TPD52: variants seen among roughly 807,000 people sequenced by gnomAD.
TPD52 encodes tumor protein D52.
TPD52 carries 17 observed loss-of-function variants against 31.3 expected under a neutral mutation model. The observed-to-expected ratio is 0.54, with a 90% CI of 0.37 to 0.82. The LOEUF is 0.82. Ranked by LOEUF, TPD52 falls within the 40% of genes least tolerant of loss-of-function variation. The pLI is 0.00. For synonymous variants in TPD52, 83 were observed against 89.6 expected (o/e 0.93, Z 0.42); for missense variants, 212 against 240.1 (o/e 0.88, Z 0.77).
chr8:80,046,638 A>G (rs1233981496), intron 5 of TPD52, among the ~76,000 whole-genome samples: 1 of 152,210 alleles, frequency 6.6e-6, no homozygotes, highest in Non-Finnish European at 1.5e-5. Context: ...GTTACCATCT[A>G]TAAGGCACAT....
intron 1 of TPD52, among the ~76,000 whole-genome samples, chr8:80,117,560 C>T (rs1389545714): frequency 6.6e-6 from 1 of 152,128 alleles, no homozygotes; most frequent in Admixed American, 6.6e-5. Flanking sequence ...GACAATACCT[C>T]TCAATCAATT....
At chr8:80,053,257 A>AT (rs768704275) in intron 3 of TPD52, 25 bp downstream of exon 3, 23 of 1,610,772 alleles carry the variant, frequency 1.4e-5, no homozygotes, top group Non-Finnish European at 1.9e-5. Context: ...ACTCCCAAGG[A>AT]AAGTGTATGA....
At chr8:80,044,288 A>G (rs1810635036) in intron 5 of TPD52, 80 bp from the exon 6 acceptor site, 1 of 1,166,472 alleles carries the variant, frequency 8.6e-7, no homozygotes, top group South Asian at 1.5e-5. Flanking sequence ...GACAAAACTT[A>G]GCTCCCCAGG....
intron 7 of TPD52, among the ~76,000 whole-genome samples, chr8:80,039,841 C>T (rs1429043448): frequency 6.6e-6 from 1 of 152,116 alleles, no homozygotes; most frequent in East Asian, 1.9e-4. Context: ...TCTGACCTTC[C>T]CTTCCACCAA....
intron 5 of TPD52, among the ~76,000 whole-genome samples, chr8:80,048,252 A>G (rs1402747224): frequency 2.0e-5 from 3 of 152,086 alleles, no homozygotes; most frequent in Non-Finnish European, 4.4e-5. Flanking sequence ...CCTCCCCTCA[A>G]TCAAGGCATA....
chr8:80,066,763 A>G (rs926678567), intron 1 of TPD52: 2 of 152,188 alleles, frequency 1.3e-5, no homozygotes, highest in Non-Finnish European at 2.9e-5. Context: ...ATTTCCCAGC[A>G]TCTGTGTGTG....
rs1464091912 is a variant in TPD52, at chr8:80,037,027, A to G, written c.*1089T>C. ...GTTTTCAAAGTAGGAGACAGGTTCT[A>G]CAGTATCATTTTACAGTTTCCAACA... is the stretch of plus-strand genomic sequence containing the variant. On this transcript the variant is annotated 3_prime_UTR_variant, in exon 8 of 8. Coordinates refer to ENST00000518937, the MANE Select transcript of TPD52 (RefSeq NM_001025253.3). 1 of 152,622 alleles carries G rather than the reference A, an allele frequency of 6.6e-6. No individual in the cohort carries two copies. Among genetic ancestry groups the G allele is most frequent in the African/African-American group, 2.4e-5 (1 of 41,454 alleles). 9.5% of individuals were successfully genotyped at this position (152,622 alleles called of 1,614,324 possible). A position where few individuals can be genotyped will look rare whatever the true frequency, so the allele number is the denominator to read the frequency against.
intron 1 of TPD52, among the ~76,000 whole-genome samples, chr8:80,094,116 T>C (rs1447512083): frequency 6.6e-6 from 1 of 152,058 alleles, no homozygotes; most frequent in East Asian, 1.9e-4. Context: ...ATAATTTTAT[T>C]TATTCCAGGA....
chr8:80,067,762 T>C (rs1586209484), intron 1 of TPD52, among the ~76,000 whole-genome samples: 1 of 151,610 alleles, frequency 6.6e-6, no homozygotes. Flanking sequence ...GAAGCAATAA[T>C]AAGACCCTAA....
At chr8:80,091,480 A>G (rs1816264382) in intron 1 of TPD52, among the ~76,000 whole-genome samples, 2 of 152,126 alleles carry the variant, frequency 1.3e-5, no homozygotes, top group South Asian at 4.1e-4. Context: ...AAAAAAAAAA[A>G]AATACACAAA....
In TPD52 at chr8:80,040,534, G is replaced by A. The variant is rs186174284; in HGVS notation, c.504+2086C>T. Among the ~76,000 whole-genome samples the A allele has an allele frequency of 2.5e-3, 382 of 152,202 alleles. 1 individual carries two copies. Among genetic ancestry groups the A allele is most frequent in the Non-Finnish European group, 4.4e-3 (300 of 68,000 alleles). On this transcript the variant is annotated intron_variant, in intron 7 of 7. Coordinates refer to ENST00000518937, the MANE Select transcript of TPD52 (RefSeq NM_001025253.3). ...AATTACACTTTTTAATCTGAATGGT[G>A]CCTAGTCATATTTTAAAGCAGACTT...
intron 1 of TPD52, among the ~76,000 whole-genome samples, chr8:80,151,130 T>C (rs1810541605): frequency 6.6e-6 from 1 of 152,198 alleles, no homozygotes; most frequent in African/African-American, 2.4e-5. Context: ...TCATGAAATC[T>C]GATGGTTTTA....
chr8:80,073,396 C>T lies in TPD52; in HGVS notation c.20-8803G>A, dbSNP rs367985101. ...CATCCCTATTTCCAGGTCCCATTAG[C>T]TTAAATAAGTCAAAAGTGTCTCCTA... On this transcript the variant is annotated intron_variant, in intron 1 of 7. Coordinates refer to ENST00000518937, the MANE Select transcript of TPD52 (RefSeq NM_001025253.3). 4.1e-4 allele frequency among the ~76,000 whole-genome samples: 63 copies of T among 152,308 alleles called. No individual in the cohort carries two copies. In the East Asian group the frequency reaches 7.5e-3, roughly 18 times the overall value.
At chr8:80,170,269 G>T (rs1277358442) in intron 1 of TPD52, among the ~76,000 whole-genome samples, 1 of 152,098 alleles carries the variant, frequency 6.6e-6, no homozygotes, top group Non-Finnish European at 1.5e-5. Context: ...TACAAAATTA[G>T]CCGGGCTGTG....
At chr8:80,072,292 G>A (rs1813895296) in intron 1 of TPD52, among the ~76,000 whole-genome samples, 1 of 148,302 alleles carries the variant, frequency 6.7e-6, no homozygotes, top group Admixed American at 6.8e-5. Context: ...TGGCGACAGA[G>A]AGAGACTCCA....
At chr8:80,126,853 A>G (rs1425390657) in intron 1 of TPD52, among the ~76,000 whole-genome samples, 1 of 152,152 alleles carries the variant, frequency 6.6e-6, no homozygotes, top group Non-Finnish European at 1.5e-5. Context: ...GGCAGGGCAC[A>G]ATGGCTCATA....
At chr8:80,048,349 CA>C (rs1811070438) in intron 5 of TPD52, among the ~76,000 whole-genome samples, 1 of 152,196 alleles carries the variant, frequency 6.6e-6, no homozygotes, top group Admixed American at 6.5e-5. Context: ...TTCAGGTTGG[CA>C]AAACTGCTGC....
intron 2 of TPD52, among the ~76,000 whole-genome samples, chr8:80,063,900 TG>T (rs1264285994): frequency 2.2e-5 from 2 of 92,612 alleles, no homozygotes; most frequent in Non-Finnish European, 2.0e-5. Flanking sequence ...AGAGGAGGAA[TG>T]GGGGGGAATG....
In TPD52 at chr8:80,161,710, A is replaced by G. The variant is rs543807727; in HGVS notation, c.19+9715T>C. On this transcript the variant is annotated intron_variant, in intron 1 of 7. Transcript: ENST00000518937. Reference sequence around the variant, plus strand: ...AATCCAAAACTTTTATCAAGAACACATTTATATATATATATATATATATTT... The same window carrying G: ...AATCCAAAACTTTTATCAAGAACACGTTTATATATATATATATATATATTT... 1.2e-4 allele frequency among the ~76,000 whole-genome samples: 12 copies of G among 102,224 alleles called. No homozygotes were observed. The South Asian group carries it at 3.6e-3, about 31-fold the overall frequency. 67.1% of individuals were successfully genotyped at this position (102,224 alleles called of 152,430 possible).
Sources: allele counts gnomAD v4.1 joint callset (sites outside exome capture counted in the v4.1 genomes callset), GRCh38; gene constraint gnomAD v4.1.1; transcripts MANE v1.5; gene names NCBI Gene and HGNC (gene_info 2026-07-23, HGNC 2026-07-21).